Variants in DNAJB6 observed in about 807,000 individuals in gnomAD.
DNAJB6 encodes the protein dnaJ homolog subfamily B member 6.
A neutral mutation model predicts 42.7 loss-of-function variants in DNAJB6; 16 were observed. The ratio of observed to expected loss-of-function variants is 0.37; its 90% confidence interval spans 0.25 to 0.57. The LOEUF (loss-of-function observed/expected upper bound fraction) is 0.57, where lower values mean the gene tolerates loss of function less well. DNAJB6 is among the 20% of genes least tolerant of loss of function. The pLI is 0.74. For synonymous variants in DNAJB6, 170 were observed against 163.5 expected (o/e 1.04, Z -0.30); for missense variants, 347 against 416.8 (o/e 0.83, Z 1.46).
chr7:157,411,275 GCGTGGGGAAGGTTCCCAGGA>G (rs1795964938), intron 9 of DNAJB6: 10 of 13,306 alleles, frequency 7.5e-4, no homozygotes, highest in African/African-American at 9.8e-4. Context: ...CACTGAGCGG[GCGTGGGGAAGGTTCCCAGGA>G]TCCCTGCACT....
At chr7:157,341,002 G>A (rs996389557) in intron 1 of DNAJB6, among the ~76,000 whole-genome samples, 3 of 148,778 alleles carry the variant, frequency 2.0e-5, no homozygotes, top group Non-Finnish European at 4.4e-5. Context: ...GTGTGTGCGC[G>A]CGCGCAGGTG....
chr7:157,373,008 A>G (rs1227715160), intron 5 of DNAJB6, among the ~76,000 whole-genome samples: 1 of 152,214 alleles, frequency 6.6e-6, no homozygotes, highest in Non-Finnish European at 1.5e-5. Context: ...AGGCTCAAGC[A>G]GTCTTCCTTC....
intron 1 of DNAJB6, among the ~76,000 whole-genome samples, chr7:157,353,364 TC>T (rs1219060083): frequency 6.6e-6 from 1 of 152,192 alleles, no homozygotes; most frequent in Non-Finnish European, 1.5e-5. Context: ...TCACCCAACT[TC>T]CCTTAATCTT....
intron 5 of DNAJB6, among the ~76,000 whole-genome samples, chr7:157,372,821 C>T (rs945229327): frequency 2.0e-5 from 3 of 152,206 alleles, no homozygotes; most frequent in Admixed American, 6.5e-5. Context: ...GCTTCTGAGG[C>T]TGAGATGTGT....
chr7:157,401,501 G>A (rs1333695834), intron 8 of DNAJB6, among the ~76,000 whole-genome samples: 2 of 152,214 alleles, frequency 1.3e-5, no homozygotes, highest in East Asian at 1.9e-4. Flanking sequence ...ATGAGCCACC[G>A]TGCTTGACCA....
chr7:157,351,189 C>T (rs1196075371), intron 1 of DNAJB6, among the ~76,000 whole-genome samples: 1 of 151,994 alleles, frequency 6.6e-6, no homozygotes, highest in African/African-American at 2.4e-5. Context: ...CCCCCTCAGC[C>T]TGAGCCACCA....
intron 5 of DNAJB6, chr7:157,369,271 GA>G: frequency 2.2e-6 from 1 of 456,694 alleles, no homozygotes; most frequent in Non-Finnish European, 4.4e-6. Flanking sequence ...ATTTCTCTAA[GA>G]AAAATAATTT....
chr7:157,362,548 A>AT (rs1799656941), intron 2 of DNAJB6, among the ~76,000 whole-genome samples: 1 of 151,800 alleles, frequency 6.6e-6, no homozygotes. Flanking sequence ...CTAATTTTGT[A>AT]TTTTTAGTAG....
intron 8 of DNAJB6, among the ~76,000 whole-genome samples, chr7:157,406,594 C>T (rs1412570550): frequency 1.3e-5 from 2 of 152,140 alleles, no homozygotes; most frequent in Non-Finnish European, 2.9e-5. Flanking sequence ...GAGGATGGGG[C>T]GCAGGCATCC....
intron 2 of DNAJB6, among the ~76,000 whole-genome samples, chr7:157,362,233 G>A (rs1160917964): frequency 1.3e-5 from 2 of 152,182 alleles, no homozygotes; most frequent in African/African-American, 4.8e-5. Context: ...GGCCTGTTGG[G>A]TGGCAGGTGA....
chr7:157,393,353 C>T (rs963080675), intron 8 of DNAJB6, among the ~76,000 whole-genome samples: 1 of 151,972 alleles, frequency 6.6e-6, no homozygotes, highest in Non-Finnish European at 1.5e-5. Context: ...TAATTTTTAC[C>T]CTTATTTTTC....
At chr7:157,367,727 C>T (rs964697655) in intron 5 of DNAJB6, among the ~76,000 whole-genome samples, 5 of 152,056 alleles carry the variant, frequency 3.3e-5, no homozygotes, top group African/African-American at 9.7e-5. Context: ...GGCATGGTGG[C>T]GCATGCCTGT....
chr7:157,398,303 T>G (rs766088957), intron 8 of DNAJB6, among the ~76,000 whole-genome samples: 1 of 152,224 alleles, frequency 6.6e-6, no homozygotes, highest in Non-Finnish European at 1.5e-5. Flanking sequence ...CATTTTTGGT[T>G]GTTTGAATAA....
At chr7:157,396,424 G>T (rs755473648) in intron 8 of DNAJB6, among the ~76,000 whole-genome samples, 45 of 152,356 alleles carry the variant, frequency 3.0e-4, no homozygotes, top group Non-Finnish European at 5.3e-4. Context: ...TAGACTTTAT[G>T]TAGTGGGCAG....
chr7:157,384,893 C>T lies in DNAJB6; in HGVS notation c.505C>T (p.His169Tyr), dbSNP rs1444342460. 1 of 1,612,992 alleles carries T rather than the reference C, an allele frequency of 6.2e-7. No individual in the cohort carries two copies. Among genetic ancestry groups the T allele is most frequent in the South Asian group, 1.1e-5 (1 of 90,992 alleles). The change falls in exon 7 of 10, where the codon CAC (histidine) becomes TAC (tyrosine). Residue 169 changes from histidine (H) to tyrosine (Y), a missense_variant. Transcript: ENST00000262177. ...ATTTACTTCATTTGGGTCACTAGGT[C>T]ACGGGGGCCTCACTTCATTCTCTTC... is the stretch of plus-strand genomic sequence containing the variant. ...TGFTSFGSLG[H>Y]GGLTSFSSTS...
chr7:157,404,499 T>C (rs1416229945), intron 8 of DNAJB6, among the ~76,000 whole-genome samples: 1 of 118,040 alleles, frequency 8.5e-6, no homozygotes, highest in Non-Finnish European at 1.8e-5. Context: ...AGAGATGGGG[T>C]CTGTCTTTTT....
At chr7:157,386,666 T>TGAG (rs940741370) in intron 8 of DNAJB6, among the ~76,000 whole-genome samples, 1 of 152,166 alleles carries the variant, frequency 6.6e-6, no homozygotes, top group African/African-American at 2.4e-5. Flanking sequence ...GTGGATCACC[T>TGAG]GAGGTCAGGA....
intron 2 of DNAJB6, among the ~76,000 whole-genome samples, chr7:157,362,052 C>T (rs890528414): frequency 2.0e-5 from 3 of 152,120 alleles, no homozygotes; most frequent in Non-Finnish European, 4.4e-5. Context: ...AGGTGTGAGC[C>T]GCTGCACCCG....
At chr7:157,394,364 C>G (rs1229474164) in intron 8 of DNAJB6, among the ~76,000 whole-genome samples, 1 of 152,130 alleles carries the variant, frequency 6.6e-6, no homozygotes, top group African/African-American at 2.4e-5. Flanking sequence ...CCCTGTGTAT[C>G]TACCTTAAAA....
Sources: allele counts gnomAD v4.1 joint callset (sites outside exome capture counted in the v4.1 genomes callset), GRCh38; gene constraint gnomAD v4.1.1; transcripts MANE v1.5; gene names NCBI Gene and HGNC (gene_info 2026-07-23, HGNC 2026-07-21).